Variants in PDE4D observed in about 807,000 individuals in gnomAD.
The protein encoded by PDE4D is phosphodiesterase 4D, also known as 3',5'-cyclic-AMP phosphodiesterase 4D.
Under a neutral mutation model 87.4 loss-of-function variants are expected in PDE4D, and 24 were observed. The observed-to-expected ratio is 0.27, with a 90% CI of 0.20 to 0.39. The LOEUF is 0.39. PDE4D is among the 10% of genes least tolerant of loss of function. The pLI is 1.00. For synonymous variants in PDE4D, 384 were observed against 383.2 expected (o/e 1.00, Z -0.02); for missense variants, 714 against 1,041.0 (o/e 0.69, Z 4.32).
chr5:59,636,876 A>G (rs1363971420), intron 1 of PDE4D, among the ~76,000 whole-genome samples: 1 of 152,232 alleles, frequency 6.6e-6, no homozygotes, highest in Non-Finnish European at 1.5e-5. Flanking sequence ...ACCAAAAGCA[A>G]TGGCAACGAA....
chr5:59,672,548 T>A (rs1333753265), intron 1 of PDE4D, among the ~76,000 whole-genome samples: 1 of 152,172 alleles, frequency 6.6e-6, no homozygotes, highest in Admixed American at 6.5e-5. Context: ...ATACCAACAC[T>A]CAATTAAATT....
chr5:59,034,935 G>A (rs746887377), intron 6 of PDE4D, among the ~76,000 whole-genome samples: 1 of 152,126 alleles, frequency 6.6e-6, no homozygotes, highest in African/African-American at 2.4e-5. Context: ...AAATGATTTC[G>A]TTTTCTCCTT....
At chr5:59,656,329 C>T (rs1189261829) in intron 1 of PDE4D, among the ~76,000 whole-genome samples, 7 of 152,168 alleles carry the variant, frequency 4.6e-5, no homozygotes, top group Admixed American at 4.6e-4. Context: ...GTTTGCACCA[C>T]CAGATTACAA....
intron 3 of PDE4D, among the ~76,000 whole-genome samples, chr5:59,919,704 C>T (rs558590921): frequency 6.6e-6 from 1 of 152,316 alleles, no homozygotes; most frequent in Admixed American, 6.5e-5. Flanking sequence ...AAGACCCTCC[C>T]TATTTTTCTT....
intron 5 of PDE4D, among the ~76,000 whole-genome samples, chr5:59,136,150 T>C (rs987190848): frequency 6.6e-6 from 1 of 152,158 alleles, no homozygotes; most frequent in South Asian, 2.1e-4. Context: ...CTCAAGATAA[T>C]TGATTCAATG....
At chr5:59,703,642 C>T (rs753131546) in intron 1 of PDE4D, 4 of 533,136 alleles carry the variant, frequency 7.5e-6, no homozygotes, top group Non-Finnish European at 1.5e-5. Context: ...TTCAGTTGTT[C>T]AACCAGTTAC....
chr5:59,404,953 A>G (rs1791364024), intron 1 of PDE4D, among the ~76,000 whole-genome samples: 3 of 151,998 alleles, frequency 2.0e-5, no homozygotes, highest in Non-Finnish European at 4.4e-5. Context: ...CTGGGTTTTC[A>G]TGCCAGAACC....
intron 1 of PDE4D, among the ~76,000 whole-genome samples, chr5:59,434,068 T>C (rs992101895): frequency 2.6e-4 from 36 of 139,462 alleles, no homozygotes; most frequent in Non-Finnish European, 4.9e-4. Flanking sequence ...GTCTCATCTT[T>C]AGGATGTTCC....
intron 1 of PDE4D, among the ~76,000 whole-genome samples, chr5:60,422,452 T>C (rs1373467479): frequency 3.3e-5 from 5 of 152,126 alleles, no homozygotes; most frequent in Non-Finnish European, 7.3e-5. Flanking sequence ...CTAAGCTTTG[T>C]AAGTGAAGGA....
chr5:59,187,182 A>T (rs957453253), intron 3 of PDE4D, among the ~76,000 whole-genome samples: 1 of 152,184 alleles, frequency 6.6e-6, no homozygotes, highest in Non-Finnish European at 1.5e-5. Flanking sequence ...CAGTCATGAA[A>T]AGAAAAATTA....
At chr5:59,985,199 C>T (rs567342371) in intron 3 of PDE4D, among the ~76,000 whole-genome samples, 28 of 139,426 alleles carry the variant, frequency 2.0e-4, no homozygotes, top group South Asian at 5.0e-4. Flanking sequence ...AGTGCAGTGG[C>T]GTAATCTCGG....
At chr5:59,039,483 A>G in intron 5 of PDE4D, 1 of 985,388 alleles carries the variant, frequency 1.0e-6, no homozygotes. Context: ...AAGTGAATGA[A>G]TCAGCCGCGG....
At chr5:60,264,354 T>A (rs186620808) in intron 1 of PDE4D, among the ~76,000 whole-genome samples, 98 of 152,350 alleles carry the variant, frequency 6.4e-4, no homozygotes, top group Middle Eastern at 3.4e-3. Flanking sequence ...TTGATTAATT[T>A]GACTGCAATA....
chr5:60,056,589 T>C (rs1275875654), intron 2 of PDE4D, among the ~76,000 whole-genome samples: 1 of 152,054 alleles, frequency 6.6e-6, no homozygotes, highest in African/African-American at 2.4e-5. Context: ...TGTTCTATGA[T>C]TCCGTATATC....
intron 1 of PDE4D, among the ~76,000 whole-genome samples, chr5:59,510,232 C>T (rs1175363513): frequency 6.6e-6 from 1 of 150,964 alleles, no homozygotes; most frequent in Non-Finnish European, 1.5e-5. Flanking sequence ...ATGGGATTGT[C>T]ACTAAAGCAA....
intron 3 of PDE4D, among the ~76,000 whole-genome samples, chr5:59,959,256 G>C (rs1759203671): frequency 6.6e-6 from 1 of 152,064 alleles, no homozygotes; most frequent in Non-Finnish European, 1.5e-5. Flanking sequence ...TCATAGCTTT[G>C]AATGACTAAT....
At position 59,065,061 on chromosome 5, in the gene PDE4D, TATATATACACACACACAC is replaced by T. The variant is rs1341222730; in HGVS notation, c.809-26108_809-26091del. ...ATGAATGGACAAAGGAAATGTGATA[TATATATACACACACACAC>T]ACACACACACACACACACACACACA... On this transcript the variant is annotated intron_variant, in intron 5 of 14. Coordinates refer to ENST00000340635, the MANE Select transcript of PDE4D (RefSeq NM_001104631.2). 7.0e-3 allele frequency among the ~76,000 whole-genome samples: 115 copies of T among 16,538 alleles called. 1 individual carries two copies. Among genetic ancestry groups the T allele is most frequent in the Admixed American group, 0.05 (63 of 1,268 alleles). 10.8% of individuals were successfully genotyped at this position (16,538 alleles called of 152,430 possible).
At chr5:60,378,562 GA>G (rs201433244) in intron 1 of PDE4D, among the ~76,000 whole-genome samples, 1 of 151,534 alleles carries the variant, frequency 6.6e-6, no homozygotes, top group African/African-American at 2.4e-5. Flanking sequence ...ACTTTTAAAA[GA>G]AAAAAAAGGG....
At chr5:60,242,375 T>C (rs1000079515) in intron 1 of PDE4D, among the ~76,000 whole-genome samples, 1 of 152,096 alleles carries the variant, frequency 6.6e-6, no homozygotes, top group African/African-American at 2.4e-5. Flanking sequence ...AAATAACAGC[T>C]GGAGAGTTCA....
Sources: gnomAD v4.1 joint callset for allele counts (sites outside exome capture counted in the v4.1 genomes callset) on GRCh38, gnomAD v4.1.1 for gene constraint, MANE v1.5 for transcripts, NCBI Gene and HGNC (gene_info 2026-07-23, HGNC 2026-07-21) for gene names.